RFTN1: variants seen among roughly 807,000 people sequenced by gnomAD.
RFTN1 encodes raftlin.
RFTN1 carries 26 observed loss-of-function variants against 46.5 expected under a neutral mutation model. The ratio of observed to expected loss-of-function variants is 0.56; its 90% CI spans 0.41 to 0.78. RFTN1 has a LOEUF of 0.78. Among genes scored for constraint, RFTN1 ranks in the 30% least tolerant of loss-of-function variants. The probability of loss-of-function intolerance (pLI) is 0.00; values close to 1 mark genes in which losing one functional copy is unlikely to be tolerated. For missense variants in RFTN1, 693 were observed against 718.7 expected (o/e 0.96, Z 0.41); for synonymous variants, 261 against 284.2 (o/e 0.92, Z 0.82).
intron 6 of RFTN1, among the ~76,000 whole-genome samples, chr3:16,358,416 A>G (rs1423980076): frequency 8.7e-5 from 13 of 150,138 alleles, no homozygotes; most frequent in Non-Finnish European, 3.0e-5. Context: ...GAAGCAAACT[A>G]TATTTAGGTG....
At chr3:16,393,863 G>A (rs2074408854) in intron 4 of RFTN1, among the ~76,000 whole-genome samples, 1 of 152,034 alleles carries the variant, frequency 6.6e-6, no homozygotes, top group South Asian at 2.1e-4. Context: ...GTTTCACCGT[G>A]TTAGCCAGGA....
chr3:16,472,326 G>T (rs750379962), intron 2 of RFTN1, among the ~76,000 whole-genome samples: 10 of 152,120 alleles, frequency 6.6e-5, no homozygotes, highest in Non-Finnish European at 1.0e-4. Context: ...GTGACCGAGT[G>T]AAGGGCTTGA....
chr3:16,508,055 A>G (rs1275210750), intron 1 of RFTN1, among the ~76,000 whole-genome samples: 1 of 152,174 alleles, frequency 6.6e-6, no homozygotes, highest in African/African-American at 2.4e-5. Flanking sequence ...GTAGCATAAG[A>G]GTTTGTCGGC....
In RFTN1 at chr3:16,387,636, A is replaced by G. The variant is rs2074232662; in HGVS notation, c.442-9534T>C. 7.0e-6 allele frequency among the ~76,000 whole-genome samples: 1 copy of G among 142,738 alleles called. No individual in the cohort carries two copies. Among genetic ancestry groups the G allele is most frequent in the Non-Finnish European group, 1.5e-5 (1 of 66,448 alleles). The allele number at this position is 142,738 out of a possible 152,430, so 93.6% of individuals were successfully genotyped here. A position where few individuals can be genotyped will look rare whatever the true frequency, so the allele number is the denominator to read the frequency against. On this transcript the variant is annotated intron_variant, in intron 4 of 9. Coordinates refer to ENST00000334133, the MANE Select transcript of RFTN1 (RefSeq NM_015150.2). The surrounding 1 kb of genome is among the most constrained non-coding windows in gnomAD (Gnocchi z 5.2). ...TACTGGCTCCTTCCACTCAGCATAC[A>G]ACTAAATTCAAGTTATCTTTTTTTA...
At chr3:16,319,121 G>A (rs368491423) in intron 9 of RFTN1, among the ~76,000 whole-genome samples, 1 of 152,176 alleles carries the variant, frequency 6.6e-6, no homozygotes, top group Non-Finnish European at 1.5e-5. Context: ...CAGCCCAAAT[G>A]TAAGAGTCTC....
rs1222813572 is a variant in RFTN1, at chr3:16,352,397, T to C, written c.1146+5535A>G. Reference sequence around the variant, plus strand: ...ATCTTGCTCTTTACCTATTCATCTATGTAGTTTTTTCCTTTCCTTTCCAAG... The same window carrying C: ...ATCTTGCTCTTTACCTATTCATCTACGTAGTTTTTTCCTTTCCTTTCCAAG... On this transcript the variant is annotated intron_variant, in intron 7 of 9. Transcript: ENST00000334133. This position sits in a 1 kb window ranked among gnomAD's most constrained non-coding sequence, Gnocchi z 4.6. Among the ~76,000 whole-genome samples, 1 of 152,248 alleles carries C rather than the reference T, an allele frequency of 6.6e-6. No homozygotes were observed. The highest frequency in any genetic ancestry group is 1.5e-5 in the Non-Finnish European group (1 of 68,042).
At chr3:16,415,374 A>C (rs773504380) in intron 3 of RFTN1, among the ~76,000 whole-genome samples, 1 of 145,826 alleles carries the variant, frequency 6.9e-6, no homozygotes, top group Non-Finnish European at 1.5e-5. Context: ...CATATCCAGA[A>C]GACATCCAAG....
At chr3:16,497,710 T>C (rs1042174458) in intron 1 of RFTN1, among the ~76,000 whole-genome samples, 2 of 152,352 alleles carry the variant, frequency 1.3e-5, no homozygotes, top group African/African-American at 2.4e-5. Context: ...ATTCTCATAT[T>C]AGAGGTTCAT....
Position 16,387,570 on chromosome 3 carries a change from T to TTCTTTCTCTCTCTCTCTC in RFTN1, c.442-9469_442-9468insGAGAGAGAGAGAGAAAGA, listed in dbSNP as rs1224689232. 4.4e-4 allele frequency among the ~76,000 whole-genome samples: 51 copies of TTCTTTCTCTCTCTCTCTC among 116,500 alleles called. No individual in the cohort carries two copies. Among genetic ancestry groups the TTCTTTCTCTCTCTCTCTC allele is most frequent in the African/African-American group, 1.9e-3 (49 of 25,614 alleles). The allele number at this position is 116,500 out of a possible 152,430, so 76.4% of individuals were successfully genotyped here. On this transcript the variant is annotated intron_variant, in intron 4 of 9. Coordinates refer to ENST00000334133, the MANE Select transcript of RFTN1 (RefSeq NM_015150.2). This position sits in a 1 kb window ranked among gnomAD's most constrained non-coding sequence, Gnocchi z 5.2. ...CACTTCTCTCTTCTATATCCTCAATTTCTCTCTCTCTCTCTCTCTCTCTCT... is the reference window on the plus strand; with the variant it reads ...CACTTCTCTCTTCTATATCCTCAATTTCTTTCTCTCTCTCTCTCTCTCTCTCTCTCTCTCTCTCTCTCT...
In RFTN1 at chr3:16,450,441, G is replaced by A. The variant is rs2075804408; in HGVS notation, c.146-16404C>T. 1.3e-5 allele frequency among the ~76,000 whole-genome samples: 2 copies of A among 152,226 alleles called. No individual in the cohort carries two copies. Among genetic ancestry groups the A allele is most frequent in the South Asian group, 4.1e-4 (2 of 4,826 alleles). ...AGGAAGGCAGGTAGGATAAGAGCCT[G>A]AGGCCCATCCAAGGGCTCTCTCCCA... On this transcript the variant is annotated intron_variant, in intron 2 of 9. Coordinates refer to ENST00000334133, the MANE Select transcript of RFTN1 (RefSeq NM_015150.2). The surrounding 1 kb of genome is among the most constrained non-coding windows in gnomAD (Gnocchi z 4.6).
In RFTN1 at chr3:16,447,082, A is replaced by G. The variant is rs1023105567; in HGVS notation, c.146-13045T>C. Among the ~76,000 whole-genome samples, 19 of 152,196 alleles carry G rather than the reference A, an allele frequency of 1.2e-4. No homozygotes were observed. Among genetic ancestry groups the G allele is most frequent in the Non-Finnish European group, 2.8e-4 (19 of 68,022 alleles). On this transcript the variant is annotated intron_variant, in intron 2 of 9. Transcript: ENST00000334133. The surrounding 1 kb of genome is among the most constrained non-coding windows in gnomAD (Gnocchi z 5.9). ...ATTTGTTCAAAGGCACCACCCCAAG[A>G]CACACCAGCAAATTCCTATCAGTGG...
intron 2 of RFTN1, among the ~76,000 whole-genome samples, chr3:16,490,426 C>T (rs368950554): frequency 5.3e-5 from 8 of 152,188 alleles, no homozygotes; most frequent in South Asian, 2.1e-4. Context: ...GCAGTGGGCA[C>T]GACACACTGT....
rs777846059 is a variant in RFTN1, at chr3:16,316,800, C to T, written c.*28G>A. ...AAGATGCCTTGGGTTTGGCAACTCA[C>T]CTAGTTTTAGCACAAATTGCCCAAG... is the stretch of plus-strand genomic sequence containing the variant. On this transcript the variant is annotated 3_prime_UTR_variant, in exon 10 of 10. Transcript: ENST00000334133. The surrounding 1 kb of genome is among the most constrained non-coding windows in gnomAD (Gnocchi z 4.5). 4.3e-6 allele frequency: 7 copies of T among 1,612,860 alleles called. No individual in the cohort carries two copies. The highest frequency in any genetic ancestry group is 3.3e-5 in the Admixed American group (2 of 59,832).
chr3:16,380,028 G>A lies in RFTN1; in HGVS notation c.442-1926C>T, dbSNP rs2073931690. Among the ~76,000 whole-genome samples, 1 of 152,206 alleles carries A rather than the reference G, an allele frequency of 6.6e-6. No homozygotes were observed. ...TCTGCTATTACTCTCTTACTGCAGA[G>A]GAAACAGCTATGACTTCTGAAGCAT... On this transcript the variant is annotated intron_variant, in intron 4 of 9. Coordinates refer to ENST00000334133, the MANE Select transcript of RFTN1 (RefSeq NM_015150.2). The surrounding 1 kb of genome is among the most constrained non-coding windows in gnomAD (Gnocchi z 4.8).
intron 3 of RFTN1, among the ~76,000 whole-genome samples, chr3:16,417,972 T>A (rs1433667099): frequency 6.6e-6 from 1 of 152,148 alleles, no homozygotes; most frequent in Non-Finnish European, 1.5e-5. Context: ...ATCCCAAAGT[T>A]CTGGGATTAC....
chr3:16,454,871 A>C, intron 2 of RFTN1: 1 of 655,920 alleles, frequency 1.5e-6, no homozygotes, highest in Non-Finnish European at 1.9e-6. Flanking sequence ...CTAGTCCATA[A>C]CTAGAATTCA....
intron 2 of RFTN1, chr3:16,472,381 G>C (rs1008697387): frequency 6.6e-6 from 1 of 152,226 alleles, no homozygotes; most frequent in African/African-American, 2.4e-5. Context: ...AGAAGAAACA[G>C]AGATCATCCA....
rs150976214 is a variant in RFTN1, at chr3:16,459,064, A to G, written c.146-25027T>C. Among the ~76,000 whole-genome samples, 336 of 152,224 alleles carry G rather than the reference A, an allele frequency of 2.2e-3. 2 individuals carry two copies. Among genetic ancestry groups the G allele is most frequent in the African/African-American group, 7.8e-3 (324 of 41,530 alleles). ...ATTCTCCCACCTCAGCCTCCCGAGT[A>G]GCTGGGACCACAGGTGTGCACCATG... On this transcript the variant is annotated intron_variant, in intron 2 of 9. Coordinates refer to ENST00000334133, the MANE Select transcript of RFTN1 (RefSeq NM_015150.2). This position sits in a 1 kb window ranked among gnomAD's most constrained non-coding sequence, Gnocchi z 4.2.
Position 16,348,572 on chromosome 3 carries a change from C to T in RFTN1, c.1146+9360G>A, listed in dbSNP as rs2071889018. 6.6e-6 allele frequency among the ~76,000 whole-genome samples: 1 copy of T among 152,110 alleles called. No homozygotes were observed. The highest frequency in any genetic ancestry group is 2.4e-5 in the African/African-American group (1 of 41,418). On this transcript the variant is annotated intron_variant, in intron 7 of 9. Coordinates refer to ENST00000334133, the MANE Select transcript of RFTN1 (RefSeq NM_015150.2). The surrounding 1 kb of genome is among the most constrained non-coding windows in gnomAD (Gnocchi z 6.3). ...CTTCTGGTCAGCAGGGCACAATTAGCCTTGAATGCCTTCCCATTTCCTTTG... is the reference window on the plus strand; with the variant it reads ...CTTCTGGTCAGCAGGGCACAATTAGTCTTGAATGCCTTCCCATTTCCTTTG...
Sources: allele counts gnomAD v4.1 joint callset (sites outside exome capture counted in the v4.1 genomes callset), GRCh38; gene constraint gnomAD v4.1.1; non-coding constraint Gnocchi (gnomAD v3.1); transcripts MANE v1.5; gene names NCBI Gene and HGNC (gene_info 2026-07-23, HGNC 2026-07-21).